KANSL1L: variants seen among roughly 807,000 people sequenced by gnomAD.
KANSL1L encodes KAT8 regulatory NSL complex subunit 1-like protein.
In KANSL1L, 25 loss-of-function variants were observed where a neutral mutation model predicts 108.6. The ratio of observed to expected loss-of-function variants is 0.23; its 90% confidence interval spans 0.17 to 0.32. KANSL1L has a LOEUF of 0.32. Ranked by LOEUF, KANSL1L falls within the 10% of genes least tolerant of loss-of-function variation. The pLI is 1.00. For missense variants in KANSL1L, 1,137 were observed against 1,125.7 expected, an observed-to-expected ratio of 1.01 and a Z score of -0.14; for synonymous variants, 405 against 395.1, an observed-to-expected ratio of 1.03 and a Z score of -0.30.
chr2:210,063,471 G>A (rs369197268), intron 6 of KANSL1L, among the ~76,000 whole-genome samples: 18 of 152,336 alleles, frequency 1.2e-4, no homozygotes, highest in African/African-American at 3.8e-4. Flanking sequence ...CTGTGTGCCC[G>A]GAAAAGCTGC....
intron 5 of KANSL1L, among the ~76,000 whole-genome samples, chr2:210,079,642 A>G (rs368966290): frequency 0.35 from 2,226 of 6,446 alleles, 302 homozygotes; most frequent in African/African-American, 0.39. Context: ...ATATATATAT[A>G]TATATATATA....
chr2:210,154,286 C>T lies in KANSL1L; in HGVS notation c.297G>A (p.Lys99=), dbSNP rs767840620. The T allele has an allele frequency of 6.8e-6, 11 of 1,613,412 alleles. No individual in the cohort carries two copies. The highest frequency in any genetic ancestry group is 8.5e-6 in the Non-Finnish European group (10 of 1,179,614). The change falls in exon 2 of 15, where the codon AAG becomes AAA. Residue 99 remains lysine (K), a synonymous_variant. Coordinates refer to ENST00000281772, the MANE Select transcript of KANSL1L (RefSeq NM_152519.4). ...LNKHNENYKQ[K]KLGEPSCNKL... ...TATTGCAACTGGGCTCCCCTAATTT[C>T]TTTTGTTTATAATTCTCATTGTGTT...
chr2:210,165,841 T>C (rs1017697812), intron 1 of KANSL1L, among the ~76,000 whole-genome samples: 67 of 152,210 alleles, frequency 4.4e-4, no homozygotes, highest in African/African-American at 1.6e-3. Context: ...GAGTAACCTG[T>C]GGTCAACTGC....
intron 9 of KANSL1L, chr2:210,030,642 A>C (rs1298107164): frequency 6.6e-6 from 1 of 151,764 alleles, no homozygotes; most frequent in Non-Finnish European, 1.5e-5. Flanking sequence ...ATAATATAAA[A>C]TCTAATACCC....
chr2:210,153,963 A>C lies in KANSL1L; in HGVS notation c.620T>G (p.Val207Gly). The C allele has an allele frequency of 6.2e-7, 1 of 1,613,690 alleles. No homozygotes were observed. Among genetic ancestry groups the C allele is most frequent in the South Asian group, 1.1e-5 (1 of 91,076 alleles). The change falls in exon 2 of 15, where the codon GTG (valine) becomes GGG (glycine). Residue 207 changes from valine (V) to glycine (G), a missense_variant. Transcript: ENST00000281772. Reference protein sequence around the residue: ...QKKIVPGHSNVPVSSSAAEKE... With the variant: ...QKKIVPGHSNGPVSSSAAEKE... ...TTCAGCAGCTGAAGAACTAACAGGC[A>C]CATTTGAGTGGCCAGGTACAATTTT...
chr2:210,042,581 C>T (rs568331424), intron 7 of KANSL1L, among the ~76,000 whole-genome samples: 25 of 152,134 alleles, frequency 1.6e-4, no homozygotes, highest in African/African-American at 5.3e-4. Context: ...AGTAGTATCA[C>T]GAAGCTTAGT....
intron 1 of KANSL1L, among the ~76,000 whole-genome samples, chr2:210,168,229 T>G (rs1688103908): frequency 6.6e-6 from 1 of 152,106 alleles, no homozygotes; most frequent in Non-Finnish European, 1.5e-5. Context: ...TGTTTGTATC[T>G]TGATGAACCC....
chr2:210,100,202 T>C (rs553130548), intron 4 of KANSL1L, among the ~76,000 whole-genome samples: 3 of 152,196 alleles, frequency 2.0e-5, no homozygotes, highest in African/African-American at 7.2e-5. Context: ...GCAAGGGATC[T>C]AGGTTGCTGC....
intron 2 of KANSL1L, among the ~76,000 whole-genome samples, chr2:210,136,533 T>C (rs1270560393): frequency 6.6e-6 from 1 of 152,222 alleles, no homozygotes; most frequent in Non-Finnish European, 1.5e-5. Context: ...ACAATTTCAC[T>C]GTTCAATAAG....
Position 210,098,182 on chromosome 2 carries a change from TTGA to T in KANSL1L, c.1451_1453del (p.Ile484del). 1.2e-6 allele frequency: 2 copies of T among 1,612,502 alleles called. No homozygotes were observed. Among genetic ancestry groups the T allele is most frequent in the Non-Finnish European group, 1.7e-6 (2 of 1,179,194 alleles). On this transcript the variant is annotated inframe_deletion, in exon 5 of 15. Coordinates refer to ENST00000281772, the MANE Select transcript of KANSL1L (RefSeq NM_152519.4). ...CAAGTTGAGAGGGGCAATCAAACTG[TTGA>T]TGATCTCAGTCAACTGTGCACTCTG...
At position 210,027,303 on chromosome 2, in the gene KANSL1L, T is replaced by C; in HGVS notation, c.2444A>G (p.Lys815Arg). 1 of 1,610,812 alleles carries C rather than the reference T, an allele frequency of 6.2e-7. No homozygotes were observed. Among genetic ancestry groups the C allele is most frequent in the Non-Finnish European group, 8.5e-7 (1 of 1,177,114 alleles). Reference sequence around the variant, plus strand: ...AAATGAAAGGCAGCTTACCTCTTCTTTGCCTAAATTATATTCATCCAAAGG... The same window carrying C: ...AAATGAAAGGCAGCTTACCTCTTCTCTGCCTAAATTATATTCATCCAAAGG... Reference protein sequence around the residue: ...LQPLDEYNLGKEEIEDLSDEV... With the variant: ...LQPLDEYNLGREEIEDLSDEV... Residue 815 changes from lysine to arginine, a missense_variant, in exon 12 of 15, where the codon AAA (lysine) becomes AGA (arginine). Physicochemically the swap from Lys to Arg is conservative, Grantham distance 26 (BLOSUM62 2). Around this residue, in one of 3 missense-constraint regions of KANSL1L, gnomAD observed 575 missense variants for 567.1 expected, o/e 1.01. Transcript: ENST00000281772.
chr2:210,093,595 T>C (rs1328529135), intron 5 of KANSL1L, among the ~76,000 whole-genome samples: 1 of 152,230 alleles, frequency 6.6e-6, no homozygotes, highest in Non-Finnish European at 1.5e-5. Context: ...AGCAGACTGC[T>C]GTGCTTTGCT....
At chr2:210,023,559 AAT>A (rs1462107431) in intron 14 of KANSL1L, among the ~76,000 whole-genome samples, 6 of 152,142 alleles carry the variant, frequency 3.9e-5, no homozygotes, top group Non-Finnish European at 1.5e-5. Context: ...CTTGCCTATT[AAT>A]TCTATAATCT....
chr2:210,129,972 A>G (rs925589777), intron 2 of KANSL1L, among the ~76,000 whole-genome samples: 1 of 138,924 alleles, frequency 7.2e-6, no homozygotes, highest in Non-Finnish European at 1.5e-5. Context: ...GTGATATTTA[A>G]TTAGGAGATG....
At chr2:210,059,869 A>AT (rs1439774966) in intron 6 of KANSL1L, among the ~76,000 whole-genome samples, 4 of 152,048 alleles carry the variant, frequency 2.6e-5, no homozygotes, top group Non-Finnish European at 2.9e-5. Flanking sequence ...AGCCTCCCAA[A>AT]TAGCTGGGAT....
At chr2:210,049,539 G>T (rs2094265304) in intron 6 of KANSL1L, among the ~76,000 whole-genome samples, 1 of 151,940 alleles carries the variant, frequency 6.6e-6, no homozygotes, top group African/African-American at 2.4e-5. Flanking sequence ...GAGGTGGGAG[G>T]ATCACTAGAG....
rs148750983 is a variant in KANSL1L, at chr2:210,117,906, G to A, written c.1230+11125C>T. Among the ~76,000 whole-genome samples, 203 of 152,216 alleles carry A rather than the reference G, an allele frequency of 1.3e-3. 3 individuals are homozygous for A. The highest frequency in any genetic ancestry group is 3.8e-3 in the African/African-American group (158 of 41,522). ...TGGCCAGGCACGACGGCTCATGCCC[G>A]TAATCTCAGCACTTTGGGAGGCCGA... On this transcript the variant is annotated intron_variant, in intron 3 of 14. Coordinates refer to ENST00000281772, the MANE Select transcript of KANSL1L (RefSeq NM_152519.4).
rs1249127369 is a variant in KANSL1L, at chr2:210,031,565, A to G, written c.2030-19T>C. 6.9e-7 allele frequency: 1 copy of G among 1,459,712 alleles called. No individual in the cohort carries two copies. Among genetic ancestry groups the G allele is most frequent in the Non-Finnish European group, 9.3e-7 (1 of 1,077,176 alleles). 90.4% of individuals were successfully genotyped at this position (1,459,712 alleles called of 1,614,324 possible). ...CTATGTACTAAAACAAATGAAAAGG[A>G]AATATTAAGTTTTAGTTCCTTAACA... On this transcript the variant is annotated intron_variant, in intron 8 of 14. Coordinates refer to ENST00000281772, the MANE Select transcript of KANSL1L (RefSeq NM_152519.4).
chr2:210,100,986 A>C (rs2094788525), intron 4 of KANSL1L, among the ~76,000 whole-genome samples: 1 of 152,226 alleles, frequency 6.6e-6, no homozygotes, highest in Admixed American at 6.5e-5. Flanking sequence ...GCCTATAAAA[A>C]GCATTATTAC....
Sources: gnomAD v4.1 joint callset for allele counts (sites outside exome capture counted in the v4.1 genomes callset) on GRCh38, gnomAD v4.1.1 for gene constraint, gnomAD v4.1.1 regional missense constraint, MANE v1.5 for transcripts, NCBI Gene and HGNC (gene_info 2026-07-23, HGNC 2026-07-21) for gene names.